Variants in ST6GAL1 observed in about 807,000 individuals in gnomAD.
The protein encoded by ST6GAL1 is beta-galactoside alpha-2,6-sialyltransferase 1.
A neutral mutation model predicts 38.0 loss-of-function variants in ST6GAL1; 20 were observed. That is an observed-to-expected ratio of 0.53 (90% CI 0.37 to 0.77). ST6GAL1 has a LOEUF of 0.77. Ranked by LOEUF, ST6GAL1 falls within the 30% of genes least tolerant of loss-of-function variation. The pLI, the probability that ST6GAL1 is intolerant of heterozygous loss-of-function variation, is 0.00. For missense variants in ST6GAL1, 432 were observed against 496.4 expected (o/e 0.87, Z 1.23); for synonymous variants, 196 against 188.2 (o/e 1.04, Z -0.34).
At chr3:186,938,536 T>C (rs1714044173) in intron 1 of ST6GAL1, among the ~76,000 whole-genome samples, 1 of 152,204 alleles carries the variant, frequency 6.6e-6, no homozygotes, top group Non-Finnish European at 1.5e-5. Flanking sequence ...GCCGCACACT[T>C]TTGCTCCTGA....
chr3:186,940,378 A>C (rs1036100792), intron 1 of ST6GAL1, among the ~76,000 whole-genome samples: 1 of 152,056 alleles, frequency 6.6e-6, no homozygotes, highest in African/African-American at 2.4e-5. Context: ...TGCAATGACT[A>C]CTGTTTGCAG....
intron 5 of ST6GAL1, among the ~76,000 whole-genome samples, chr3:187,068,364 T>C (rs1348998799): frequency 6.8e-6 from 1 of 147,964 alleles, no homozygotes; most frequent in African/African-American, 2.5e-5. Flanking sequence ...AAAAAAGAAG[T>C]GTGGTCTCTG....
intron 2 of ST6GAL1, among the ~76,000 whole-genome samples, chr3:186,982,827 G>A (rs544310799): frequency 1.3e-5 from 2 of 151,524 alleles, no homozygotes; most frequent in African/African-American, 4.9e-5. Flanking sequence ...GATTACAGTC[G>A]CCCGCCACCA....
At chr3:186,984,568 C>T (rs1199619421) in intron 2 of ST6GAL1, among the ~76,000 whole-genome samples, 3 of 152,226 alleles carry the variant, frequency 2.0e-5, no homozygotes, top group East Asian at 1.9e-4. Flanking sequence ...GCCGCAAACA[C>T]GCTTCCCCAG....
chr3:187,056,589 G>C (rs1439768181), intron 5 of ST6GAL1, among the ~76,000 whole-genome samples: 1 of 152,146 alleles, frequency 6.6e-6, no homozygotes, highest in Non-Finnish European at 1.5e-5. Context: ...ATGAAATTCT[G>C]GGTTGAAAAT....
intron 2 of ST6GAL1, among the ~76,000 whole-genome samples, chr3:186,978,957 C>CT (rs1392704056): frequency 2.0e-5 from 3 of 151,810 alleles, no homozygotes; most frequent in Admixed American, 1.3e-4. Flanking sequence ...TGAACTTTAC[C>CT]TTTTCTGACT....
intron 1 of ST6GAL1, among the ~76,000 whole-genome samples, chr3:186,942,736 C>G (rs965064000): frequency 1.3e-5 from 2 of 152,184 alleles, no homozygotes; most frequent in East Asian, 3.8e-4. Flanking sequence ...GTTGTGTGTT[C>G]TCTCATCCAA....
chr3:187,042,900 G>T lies in ST6GAL1; in HGVS notation c.197G>T (p.Ser66Ile). 2 of 1,614,174 alleles carry T rather than the reference G, an allele frequency of 1.2e-6. No individual in the cohort carries two copies. The highest frequency in any genetic ancestry group is 1.7e-6 in the Non-Finnish European group (2 of 1,180,014). Reference sequence around the variant, plus strand: ...TCTGATTCCCAGTCTGTATCCTCAAGCAGCACCCAGGACCCCCACAGGGGC... The same window carrying T: ...TCTGATTCCCAGTCTGTATCCTCAATCAGCACCCAGGACCCCCACAGGGGC... ...MGSDSQSVSS[S>I]STQDPHRGRQ... Residue 66 changes from serine (S) to isoleucine (I), a missense_variant, in exon 4 of 8, where the codon AGC becomes ATC. Coordinates refer to ENST00000169298, the MANE Select transcript of ST6GAL1 (RefSeq NM_173216.2).
At chr3:186,951,337 A>G (rs1181651120) in intron 1 of ST6GAL1, among the ~76,000 whole-genome samples, 6 of 152,188 alleles carry the variant, frequency 3.9e-5, no homozygotes, top group African/African-American at 1.4e-4. Flanking sequence ...GATTACAGGC[A>G]TGAGCCACTG....
intron 5 of ST6GAL1, among the ~76,000 whole-genome samples, chr3:187,067,394 C>CT (rs3055154): frequency 0.043 from 4,885 of 114,050 alleles, 178 homozygotes; most frequent in African/African-American, 0.096. Flanking sequence ...GCAAGGCAAC[C>CT]TTTTTTTTTT....
At position 187,075,882 on chromosome 3, in the gene ST6GAL1, C is replaced by G. The variant is rs1719543899; in HGVS notation, c.*79C>G. 5.1e-6 allele frequency: 8 copies of G among 1,576,496 alleles called. No individual in the cohort carries two copies. Among genetic ancestry groups the G allele is most frequent in the Non-Finnish European group, 6.9e-6 (8 of 1,161,686 alleles). On this transcript the variant is annotated 3_prime_UTR_variant, in exon 8 of 8. Transcript: ENST00000169298. This position sits in a 1 kb window ranked among gnomAD's most constrained non-coding sequence, Gnocchi z 4.1. ...ACCCCAGCCTGGGAAGAACATTTTC[C>G]TGAACAATTCCAGCCTGCTCCTTTT... is the stretch of plus-strand genomic sequence containing the variant.
At chr3:187,050,557 A>AGAGG (rs1718476695) in intron 4 of ST6GAL1, among the ~76,000 whole-genome samples, 4 of 142,862 alleles carry the variant, frequency 2.8e-5, no homozygotes, top group Non-Finnish European at 6.0e-5. Context: ...AGAGAGAGAG[A>AGAGG]GAGGGAGGGA....
At chr3:186,982,521 A>G (rs1715727999) in intron 2 of ST6GAL1, among the ~76,000 whole-genome samples, 1 of 152,156 alleles carries the variant, frequency 6.6e-6, no homozygotes, top group African/African-American at 2.4e-5. Context: ...AGCGATGACA[A>G]CTGAGTACAG....
intron 2 of ST6GAL1, among the ~76,000 whole-genome samples, chr3:186,980,637 A>T (rs975311724): frequency 6.7e-6 from 1 of 149,916 alleles, no homozygotes; most frequent in Non-Finnish European, 1.5e-5. Flanking sequence ...TAGCCAGGCA[A>T]GGTGGCAAGT....
chr3:187,073,668 T>C (rs1303062242), intron 6 of ST6GAL1: 1 of 153,560 alleles, frequency 6.5e-6, no homozygotes, highest in Admixed American at 6.5e-5. Context: ...ACTCTTAAGT[T>C]GGATCTACCA....
At chr3:186,999,447 C>T (rs1261335268) in intron 2 of ST6GAL1, among the ~76,000 whole-genome samples, 1 of 150,956 alleles carries the variant, frequency 6.6e-6, no homozygotes, top group Non-Finnish European at 1.5e-5. Context: ...AGTCTCACTC[C>T]GTAGCCCAGA....
intron 2 of ST6GAL1, among the ~76,000 whole-genome samples, chr3:187,012,393 G>A (rs1162743986): frequency 6.6e-6 from 1 of 152,104 alleles, no homozygotes; most frequent in East Asian, 1.9e-4. Context: ...GAGTAGCTGG[G>A]ATAACAGGCG....
At chr3:186,935,973 C>G (rs748146404) in intron 1 of ST6GAL1, among the ~76,000 whole-genome samples, 2 of 146,340 alleles carry the variant, frequency 1.4e-5, no homozygotes, top group Non-Finnish European at 3.1e-5. Flanking sequence ...CTGTATTTAC[C>G]GACAAACAGG....
intron 5 of ST6GAL1, among the ~76,000 whole-genome samples, chr3:187,054,183 C>T (rs1180277495): frequency 2.6e-5 from 4 of 152,188 alleles, no homozygotes; most frequent in Non-Finnish European, 5.9e-5. Flanking sequence ...TGCTTATCAG[C>T]TTGAGGAGAT....
Sources: allele counts gnomAD v4.1 joint callset (sites outside exome capture counted in the v4.1 genomes callset), GRCh38; gene constraint gnomAD v4.1.1; non-coding constraint Gnocchi (gnomAD v3.1); transcripts MANE v1.5; gene names NCBI Gene and HGNC (gene_info 2026-07-23, HGNC 2026-07-21).